HERC3: variants seen among roughly 807,000 people sequenced by gnomAD.
HERC3 encodes HECT and RLD domain containing E3 ubiquitin protein ligase 3.
In HERC3, 58 loss-of-function variants were observed where a neutral mutation model predicts 129.9. The observed-to-expected ratio is 0.45, with a 90% CI of 0.36 to 0.56. The LOEUF is 0.56. Ranked by LOEUF, HERC3 falls within the 20% of genes least tolerant of loss-of-function variation. HERC3 has a pLI of 0.00. For synonymous variants in HERC3, 430 were observed against 451.0 expected (o/e 0.95, Z 0.59); for missense variants, 835 against 1,244.2 (o/e 0.67, Z 4.95).
intron 3 of HERC3, among the ~76,000 whole-genome samples, chr4:88,644,671 T>C (rs1728505896): frequency 6.6e-6 from 1 of 152,170 alleles, no homozygotes; most frequent in Admixed American, 6.5e-5. Flanking sequence ...GTTCTGTATC[T>C]TGATTGTGTT....
intron 23 of HERC3, among the ~76,000 whole-genome samples, chr4:88,692,235 A>G (rs985730529): frequency 6.8e-6 from 1 of 146,458 alleles, no homozygotes; most frequent in Non-Finnish European, 1.5e-5. Context: ...TGAAAAACCC[A>G]TATGTCATTC....
At chr4:88,697,650 T>C (rs528452137) in intron 23 of HERC3, 4 of 1,613,482 alleles carry the variant, frequency 2.5e-6, no homozygotes, top group East Asian at 2.2e-5. Context: ...TGTCACAGTC[T>C]CCACCCTGCG....
upstream of HERC3, among the ~76,000 whole-genome samples, chr4:88,588,754 T>G (rs908061212): frequency 2.6e-5 from 4 of 152,258 alleles, no homozygotes; most frequent in African/African-American, 4.8e-5. Flanking sequence ...ACCATTCTAT[T>G]GAAAAATGGT....
chr4:88,648,325 A>G (rs1728916553), intron 3 of HERC3, among the ~76,000 whole-genome samples: 1 of 152,096 alleles, frequency 6.6e-6, no homozygotes, highest in African/African-American at 2.4e-5. Flanking sequence ...CTAAATCCTG[A>G]GTTCTTTGTT....
the HERC3 span, among the ~76,000 whole-genome samples, chr4:88,541,133 G>A: frequency 1.6e-4 from 24 of 152,048 alleles, no homozygotes; most frequent in Non-Finnish European, 4.4e-5. Flanking sequence ...CCCCAATTAA[G>A]ATACAGACTG....
intron 2 of HERC3, among the ~76,000 whole-genome samples, chr4:88,599,129 C>T (rs540878996): frequency 6.6e-6 from 1 of 152,304 alleles, no homozygotes; most frequent in East Asian, 1.9e-4. Flanking sequence ...GAAACTAGAC[C>T]TTTAAAGTCA....
the HERC3 span, among the ~76,000 whole-genome samples, chr4:88,540,659 T>C: frequency 2.6e-5 from 4 of 151,838 alleles, no homozygotes; most frequent in Admixed American, 6.6e-5. Context: ...TTCACCAAGG[T>C]TGAAATGAAG....
intron 6 of HERC3, 55 bp downstream of exon 6, chr4:88,653,145 C>A: frequency 6.5e-7 from 1 of 1,533,740 alleles, no homozygotes; most frequent in Non-Finnish European, 9.0e-7. Context: ...TCATTTAACA[C>A]ATGCTTCTTG....
intron 3 of HERC3, among the ~76,000 whole-genome samples, chr4:88,638,235 A>G (rs1360515937): frequency 2.6e-5 from 4 of 152,236 alleles, no homozygotes; most frequent in African/African-American, 9.6e-5. Context: ...TCTCTAACTA[A>G]TTTTATGAGG....
chr4:88,544,611 C>G, the HERC3 span, among the ~76,000 whole-genome samples: 26 of 152,298 alleles, frequency 1.7e-4, no homozygotes, highest in African/African-American at 5.5e-4. Context: ...TATAAAGACA[C>G]GTGCACACGT....
At chr4:88,646,789 C>G (rs1728736615) in intron 3 of HERC3, among the ~76,000 whole-genome samples, 1 of 152,106 alleles carries the variant, frequency 6.6e-6, no homozygotes, top group Admixed American at 6.5e-5. Context: ...TGACAGATCT[C>G]CAGCCTGAAT....
At chr4:88,600,166 A>C (rs1408165521) in intron 2 of HERC3, among the ~76,000 whole-genome samples, 1 of 152,214 alleles carries the variant, frequency 6.6e-6, no homozygotes, top group Non-Finnish European at 1.5e-5. Context: ...TGTCATTATT[A>C]ATATTATCAG....
chr4:88,574,724 C>T, the HERC3 span, among the ~76,000 whole-genome samples: 1 of 152,194 alleles, frequency 6.6e-6, no homozygotes, highest in South Asian at 2.1e-4. Flanking sequence ...CCTCAAGGTT[C>T]ATCCATGTGG....
At chr4:88,704,370 G>A (rs1735582839) in intron 24 of HERC3, 89 bp downstream of exon 24, 3 of 1,398,676 alleles carry the variant, frequency 2.1e-6, no homozygotes, top group Non-Finnish European at 3.0e-6. Flanking sequence ...CTCGTTCCAA[G>A]CATACTGTGG....
At chr4:88,547,578 A>T in the HERC3 span, among the ~76,000 whole-genome samples, 1 of 152,156 alleles carries the variant, frequency 6.6e-6, no homozygotes, top group Non-Finnish European at 1.5e-5. Context: ...TAATTTGCCT[A>T]TTTTGGATAT....
chr4:88,626,883 T>A lies in HERC3; in HGVS notation c.226+20834T>A, dbSNP rs369672899. Among the ~76,000 whole-genome samples the A allele has an allele frequency of 1.8e-4, 28 of 152,162 alleles. No homozygotes were observed. In the South Asian group the frequency reaches 3.5e-3, roughly 19 times the overall value. ...TGATTTTTATTATTCTTTTTGTTTG[T>A]TTTGTTTTCTGTTTCAGTGATTTTT... is the stretch of plus-strand genomic sequence containing the variant. On this transcript the variant is annotated intron_variant, in intron 3 of 25. Coordinates refer to ENST00000402738, the MANE Select transcript of HERC3 (RefSeq NM_014606.3).
At chr4:88,570,929 T>G in the HERC3 span, among the ~76,000 whole-genome samples, 1 of 146,034 alleles carries the variant, frequency 6.8e-6, no homozygotes, top group Admixed American at 6.6e-5. Context: ...AATTTTTTTT[T>G]GTATTTTTTT....
upstream of HERC3, among the ~76,000 whole-genome samples, chr4:88,590,796 T>C (rs139324563): frequency 1.1e-3 from 160 of 152,278 alleles, 1 homozygote; most frequent in Admixed American, 0.01. Flanking sequence ...ATCTTTGTAA[T>C]AGACTAAACT....
At chr4:88,565,823 A>G in the HERC3 span, among the ~76,000 whole-genome samples, 1 of 152,180 alleles carries the variant, frequency 6.6e-6, no homozygotes, top group Non-Finnish European at 1.5e-5. Context: ...CATCAGACTT[A>G]TCCTACAAGA....
Sources: gnomAD v4.1 joint callset for allele counts (sites outside exome capture counted in the v4.1 genomes callset) on GRCh38, gnomAD v4.1.1 for gene constraint, MANE v1.5 for transcripts, NCBI Gene and HGNC (gene_info 2026-07-23, HGNC 2026-07-21) for gene names.